The following INPP5F variants were observed in gnomAD, a reference collection of about 807,000 sequenced individuals.
INPP5F encodes inositol polyphosphate-5-phosphatase F, also known as phosphatidylinositide 4-phosphatase SAC2.
INPP5F carries 97 observed loss-of-function variants against 137.2 expected under a neutral mutation model. The ratio of observed to expected loss-of-function variants is 0.71; its 90% CI spans 0.60 to 0.84. The LOEUF (loss-of-function observed/expected upper bound fraction) is 0.84, where lower values mean the gene tolerates loss of function less well. Ranked by LOEUF, INPP5F falls within the 40% of genes least tolerant of loss-of-function variation. The probability of loss-of-function intolerance (pLI) is 0.00; values close to 1 mark genes in which losing one functional copy is unlikely to be tolerated. For synonymous variants in INPP5F, 504 were observed against 476.9 expected (o/e 1.06, Z -0.74); for missense variants, 1,271 against 1,371.9 (o/e 0.93, Z 1.16).
chr10:119,796,110 G>C (rs1308915039), intron 6 of INPP5F, among the ~76,000 whole-genome samples: 1 of 151,558 alleles, frequency 6.6e-6, no homozygotes, highest in Non-Finnish European at 1.5e-5. Flanking sequence ...GGGAGAGGGA[G>C]AGCTGGATGA....
In INPP5F at chr10:119,796,926, C is replaced by A. The variant is rs1220948286; in HGVS notation, c.868+13C>A. The A allele has an allele frequency of 6.2e-7, 1 of 1,605,398 alleles. No individual in the cohort carries two copies. The highest frequency in any genetic ancestry group is 1.1e-5 in the South Asian group (1 of 90,842). Reference sequence around the variant, plus strand: ...AGGCACAGAGCAGGTGAGTGGAGGGCTGTAATAGCATTCAAATCAAATCCA... The same window carrying A: ...AGGCACAGAGCAGGTGAGTGGAGGGATGTAATAGCATTCAAATCAAATCCA... On this transcript the variant is annotated intron_variant, in intron 7 of 19. Transcript: ENST00000650623.
chr10:119,740,979 G>A (rs1419581542), intron 1 of INPP5F, among the ~76,000 whole-genome samples: 1 of 152,174 alleles, frequency 6.6e-6, no homozygotes, highest in African/African-American at 2.4e-5. Context: ...TGTGACGGAT[G>A]CTGGGCACTT....
Position 119,827,933 on chromosome 10 carries a change from C to A in INPP5F, c.*153C>A. On this transcript the variant is annotated 3_prime_UTR_variant, in exon 20 of 20. Transcript: ENST00000650623. Reference sequence around the variant, plus strand: ...CGGAGTCGGAACCTGAGTAGATTTCCAAATTTTACAGCCAGGACTACAGAA... The same window carrying A: ...CGGAGTCGGAACCTGAGTAGATTTCAAAATTTTACAGCCAGGACTACAGAA... 1 of 617,586 alleles carries A rather than the reference C, an allele frequency of 1.6e-6. No individual in the cohort carries two copies. Among genetic ancestry groups the A allele is most frequent in the Non-Finnish European group, 2.8e-6 (1 of 359,606 alleles). The allele number at this position is 617,586 out of a possible 1,614,324, so 38.3% of individuals were successfully genotyped here. A position where few individuals can be genotyped will look rare whatever the true frequency, so the allele number is the denominator to read the frequency against.
intron 2 of INPP5F, among the ~76,000 whole-genome samples, chr10:119,770,584 G>A (rs199583249): frequency 2.6e-5 from 4 of 152,098 alleles, no homozygotes; most frequent in Admixed American, 2.0e-4. Context: ...GGTGTATTTT[G>A]TTTCACCTAA....
Position 119,796,825 on chromosome 10 carries a change from G to C in INPP5F, c.780G>C (p.Glu260Asp), listed in dbSNP as rs1351639551. The C allele has an allele frequency of 6.2e-7, 1 of 1,613,588 alleles. No homozygotes were observed. Among genetic ancestry groups the C allele is most frequent in the East Asian group, 2.2e-5 (1 of 44,886 alleles). ...ESSDDEKSSP[E>D]TPPQESTCVD... ...CTGATGATGAGAAAAGCAGCCCAGA[G>C]ACCCCCCCTCAGGAGTCCACCTGTG... The change falls in exon 7 of 20, where the codon GAG becomes GAC. Residue 260 changes from glutamate (E) to aspartate (D), a missense_variant. Physicochemically the swap from Glu to Asp is conservative, Grantham distance 45 (BLOSUM62 2). Coordinates refer to ENST00000650623, the MANE Select transcript of INPP5F (RefSeq NM_014937.4).
intron 3 of INPP5F, among the ~76,000 whole-genome samples, chr10:119,789,865 C>T (rs1338739588): frequency 6.6e-6 from 1 of 151,542 alleles, no homozygotes; most frequent in African/African-American, 2.4e-5. Flanking sequence ...AGGAACTGCT[C>T]AAAGCGGCAG....
intron 6 of INPP5F, among the ~76,000 whole-genome samples, chr10:119,794,138 T>C (rs1212209560): frequency 2.6e-5 from 4 of 152,048 alleles, no homozygotes; most frequent in Non-Finnish European, 5.9e-5. Context: ...CAAAGGTCTC[T>C]GGTTTTCCTA....
intron 2 of INPP5F, among the ~76,000 whole-genome samples, chr10:119,772,231 C>T (rs1452224936): frequency 6.6e-6 from 1 of 151,716 alleles, no homozygotes; most frequent in Non-Finnish European, 1.5e-5. Context: ...TTACCTTTTT[C>T]TTTTCTACAG....
intron 12 of INPP5F, among the ~76,000 whole-genome samples, chr10:119,807,097 C>T (rs575003253): frequency 7.2e-5 from 11 of 152,044 alleles, no homozygotes; most frequent in African/African-American, 2.7e-4. Flanking sequence ...ATGGCGAGAC[C>T]CCCTGTCTAC....
chr10:119,730,514 A>T (rs568051759), intron 1 of INPP5F, among the ~76,000 whole-genome samples: 1 of 152,350 alleles, frequency 6.6e-6, no homozygotes, highest in African/African-American at 2.4e-5. Context: ...TGTAATTTGA[A>T]GATTCAAAAA....
At chr10:119,770,527 T>C (rs1849304407) in intron 2 of INPP5F, among the ~76,000 whole-genome samples, 1 of 152,234 alleles carries the variant, frequency 6.6e-6, no homozygotes, top group African/African-American at 2.4e-5. Flanking sequence ...TGTAGCTCAA[T>C]ATGCACATTC....
chr10:119,827,357 C>G lies in INPP5F; in HGVS notation c.2976C>G (p.Thr992=). Residue 992 remains threonine, a synonymous_variant, in exon 20 of 20, where the codon ACC becomes ACG. Coordinates refer to ENST00000650623, the MANE Select transcript of INPP5F (RefSeq NM_014937.4). ...QQASQERNQM[T]NQVSNETQSE... Reference sequence around the variant, plus strand: ...CTAGTCAGGAAAGAAATCAAATGACCAATCAAGTTTCAAATGAAACCCAAT... The same window carrying G: ...CTAGTCAGGAAAGAAATCAAATGACGAATCAAGTTTCAAATGAAACCCAAT... The G allele has an allele frequency of 6.2e-7, 1 of 1,614,058 alleles. No individual in the cohort carries two copies. Among genetic ancestry groups the G allele is most frequent in the Non-Finnish European group, 8.5e-7 (1 of 1,179,942 alleles).
intron 10 of INPP5F, 132 bp downstream of exon 10, chr10:119,804,429 A>T: frequency 1.3e-6 from 1 of 769,474 alleles, no homozygotes; most frequent in Non-Finnish European, 2.0e-6. Flanking sequence ...AAAGGGTATC[A>T]TTCATTTACT....
At chr10:119,816,910 T>C (rs1465032081) in intron 15 of INPP5F, among the ~76,000 whole-genome samples, 4 of 152,214 alleles carry the variant, frequency 2.6e-5, no homozygotes, top group Non-Finnish European at 5.9e-5. Context: ...TGTAGTATAT[T>C]CAGAGTTGTG....
At chr10:119,792,705 G>A (rs557318525) in intron 6 of INPP5F, among the ~76,000 whole-genome samples, 14 of 151,678 alleles carry the variant, frequency 9.2e-5, no homozygotes, top group African/African-American at 2.9e-4. Flanking sequence ...TGAGATTATT[G>A]CAAGAAGTTC....
At chr10:119,747,397 G>T (rs1848567786) in intron 1 of INPP5F, among the ~76,000 whole-genome samples, 1 of 151,840 alleles carries the variant, frequency 6.6e-6, no homozygotes, top group South Asian at 2.1e-4. Flanking sequence ...AATTTTTTGT[G>T]TATTTTTAGT....
chr10:119,818,643 A>AGGACGGAAGTGGGC (rs1851397338), intron 15 of INPP5F: 1 of 152,460 alleles, frequency 6.6e-6, no homozygotes, highest in African/African-American at 2.4e-5. Context: ...CCGCCAGCCG[A>AGGACGGAAGTGGGC]GGACGGAAGT....
intron 13 of INPP5F, among the ~76,000 whole-genome samples, chr10:119,809,738 A>T (rs1850953820): frequency 6.6e-6 from 1 of 152,168 alleles, no homozygotes; most frequent in Admixed American, 6.5e-5. Flanking sequence ...TGTCAGAAAC[A>T]TCGGTTTTTG....
intron 2 of INPP5F, among the ~76,000 whole-genome samples, chr10:119,760,158 T>G (rs1848968726): frequency 6.6e-6 from 1 of 152,230 alleles, no homozygotes; most frequent in Admixed American, 6.5e-5. Context: ...CAGGCTAGCG[T>G]GCCTCATGCT....
Sources: allele counts gnomAD v4.1 joint callset (sites outside exome capture counted in the v4.1 genomes callset), GRCh38; gene constraint gnomAD v4.1.1; transcripts MANE v1.5; gene names NCBI Gene and HGNC (gene_info 2026-07-23, HGNC 2026-07-21).